Variants in GALNTL6 observed in about 807,000 individuals in gnomAD.
GALNTL6 encodes the protein polypeptide N-acetylgalactosaminyltransferase like 6, also known as polypeptide N-acetylgalactosaminyltransferase-like 6.
GALNTL6 carries 46 observed loss-of-function variants against 73.7 expected under a neutral mutation model. That is an observed-to-expected ratio of 0.62 (90% confidence interval 0.49 to 0.80). GALNTL6 has a LOEUF of 0.80. GALNTL6 is among the 30% of genes least tolerant of loss of function. The pLI is 0.00. For missense variants in GALNTL6, 604 were observed against 755.0 expected (o/e 0.80, Z 2.34); for synonymous variants, 259 against 263.7 (o/e 0.98, Z 0.17).
intron 10 of GALNTL6, among the ~76,000 whole-genome samples, chr4:172,984,346 G>A (rs1751200752): frequency 6.6e-6 from 1 of 152,124 alleles, no homozygotes; most frequent in Admixed American, 6.5e-5. Context: ...AAAGAAGGAA[G>A]CCCCTTATAA....
intron 2 of GALNTL6, among the ~76,000 whole-genome samples, chr4:172,196,125 AC>A (rs1735760632): frequency 1.3e-5 from 2 of 151,942 alleles, no homozygotes; most frequent in Admixed American, 1.3e-4. Context: ...ATCACCACTG[AC>A]CCCACAGAAA....
At chr4:171,996,242 G>A (rs527928802) in intron 2 of GALNTL6, among the ~76,000 whole-genome samples, 70 of 152,162 alleles carry the variant, frequency 4.6e-4, no homozygotes, top group Non-Finnish European at 8.2e-4. Flanking sequence ...TAAAGTGAAA[G>A]CAATTTCCAA....
At chr4:172,402,545 C>T (rs1744079712) in intron 5 of GALNTL6, among the ~76,000 whole-genome samples, 1 of 151,962 alleles carries the variant, frequency 6.6e-6, no homozygotes, top group Non-Finnish European at 1.5e-5. Context: ...CTAAATGTTC[C>T]TTAAATTCTT....
chr4:172,119,086 C>G (rs1400638163), intron 2 of GALNTL6, among the ~76,000 whole-genome samples: 2 of 151,924 alleles, frequency 1.3e-5, no homozygotes, highest in African/African-American at 4.8e-5. Context: ...GTTGTGTAAG[C>G]AGTGTGTGAA....
At chr4:172,794,721 A>G (rs1254887403) in intron 5 of GALNTL6, among the ~76,000 whole-genome samples, 1 of 152,166 alleles carries the variant, frequency 6.6e-6, no homozygotes, top group Non-Finnish European at 1.5e-5. Context: ...GGTGATCACA[A>G]AAGTACTCTG....
chr4:172,337,696 TTTTG>T (rs1182133764), intron 4 of GALNTL6, among the ~76,000 whole-genome samples: 4 of 93,514 alleles, frequency 4.3e-5, no homozygotes, highest in Non-Finnish European at 1.2e-4. Context: ...CTTTAAGGTT[TTTTG>T]TTTTTTTTTT....
rs182408206 is a variant in GALNTL6, at chr4:171,962,974, G to A, written c.138+148256G>A. Among the ~76,000 whole-genome samples, 237 of 151,534 alleles carry A rather than the reference G, an allele frequency of 1.6e-3. 1 individual carries two copies. The highest frequency in any genetic ancestry group is 1.6e-3 in the Admixed American group (24 of 15,196). On this transcript the variant is annotated intron_variant, in intron 2 of 12. Transcript: ENST00000506823. The stretch of plus-strand genomic sequence containing the variant: ...ATAGAGACGGGGTTTCACTATGTTG[G>A]CCAGGATGGTCTCAATCTCTTGACC...
rs946883121 is a variant in GALNTL6 at position 172,826,004 on chromosome 4, G to A, written c.923+12281G>A. ...ATGATAATTGTAGCATATGGAGCAG[G>A]TTTGAAACATACAGTTACAACTCAA... is the stretch of plus-strand genomic sequence containing the variant. On this transcript the variant is annotated intron_variant, in intron 7 of 12. Coordinates refer to ENST00000506823, the MANE Select transcript of GALNTL6 (RefSeq NM_001034845.3). Among the ~76,000 whole-genome samples, 22 of 152,228 alleles carry A rather than the reference G, an allele frequency of 1.4e-4. No homozygotes were observed. In the South Asian group the frequency reaches 3.5e-3, roughly 24 times the overall value.
At chr4:172,135,258 A>G (rs1443232989) in intron 2 of GALNTL6, among the ~76,000 whole-genome samples, 1 of 152,166 alleles carries the variant, frequency 6.6e-6, no homozygotes. Context: ...AAAATTATGT[A>G]TTCTTGAAAA....
chr4:172,178,275 TA>T (rs1240668502), intron 2 of GALNTL6, among the ~76,000 whole-genome samples: 1 of 152,202 alleles, frequency 6.6e-6, no homozygotes, highest in African/African-American at 2.4e-5. Flanking sequence ...ATTTGAGTTC[TA>T]TTTTCTTTTT....
At chr4:172,014,329 T>C (rs981174632) in intron 2 of GALNTL6, among the ~76,000 whole-genome samples, 6 of 152,074 alleles carry the variant, frequency 3.9e-5, no homozygotes, top group Non-Finnish European at 8.8e-5. Flanking sequence ...CTAATTTTCA[T>C]TCCCACCAAC....
At position 172,199,405 on chromosome 4, in the gene GALNTL6, T is replaced by G. The variant is rs551550165; in HGVS notation, c.139-30251T>G. ...TATAACATGATATTTTTGCAAATTATTTTCGTGATCATTTTCAGTCAGATC... is the reference window on the plus strand; with the variant it reads ...TATAACATGATATTTTTGCAAATTAGTTTCGTGATCATTTTCAGTCAGATC... On this transcript the variant is annotated intron_variant, in intron 2 of 12. Coordinates refer to ENST00000506823, the MANE Select transcript of GALNTL6 (RefSeq NM_001034845.3). 5.0e-4 allele frequency among the ~76,000 whole-genome samples: 76 copies of G among 152,328 alleles called. No individual in the cohort carries two copies. The South Asian group carries it at 0.015, about 31-fold the overall frequency.
At chr4:172,308,508 T>C (rs1166541456) in intron 3 of GALNTL6, among the ~76,000 whole-genome samples, 2 of 152,148 alleles carry the variant, frequency 1.3e-5, no homozygotes, top group Non-Finnish European at 2.9e-5. Context: ...ATGTCCCTTC[T>C]ATGCCAATTT....
chr4:172,462,521 A>G (rs1344845664), intron 5 of GALNTL6, among the ~76,000 whole-genome samples: 1 of 152,170 alleles, frequency 6.6e-6, no homozygotes, highest in African/African-American at 2.4e-5. Context: ...CCGCTAACCT[A>G]CAGTGTCACT....
intron 5 of GALNTL6, among the ~76,000 whole-genome samples, chr4:172,450,868 T>G (rs1041067607): frequency 6.6e-6 from 1 of 152,238 alleles, no homozygotes; most frequent in Non-Finnish European, 1.5e-5. Context: ...TAGACTCCAG[T>G]CATTCTCTCA....
rs998423295 is a variant in GALNTL6 at position 171,928,587 on chromosome 4, T to A, written c.138+113869T>A. Among the ~76,000 whole-genome samples the A allele has an allele frequency of 3.3e-5, 5 of 152,258 alleles. 1 individual carries two copies. In the East Asian group the frequency reaches 5.8e-4, roughly 18 times the overall value. On this transcript the variant is annotated intron_variant, in intron 2 of 12. Transcript: ENST00000506823. ...ATCCTGTTAACTTTCTCTTTCATATTTAAATTGTACAAAGGAAGTCATGCA... is the reference window on the plus strand; with the variant it reads ...ATCCTGTTAACTTTCTCTTTCATATATAAATTGTACAAAGGAAGTCATGCA...
chr4:172,937,877 T>C (rs1748702109), intron 9 of GALNTL6, among the ~76,000 whole-genome samples: 1 of 152,212 alleles, frequency 6.6e-6, no homozygotes, highest in African/African-American at 2.4e-5. Context: ...TAATTGAGAT[T>C]ATGATGTAAC....
In GALNTL6 at chr4:172,016,555, G is replaced by T. The variant is rs531702182; in HGVS notation, c.138+201837G>T. On this transcript the variant is annotated intron_variant, in intron 2 of 12. Coordinates refer to ENST00000506823, the MANE Select transcript of GALNTL6 (RefSeq NM_001034845.3). ...ATTGCTTACTAATCAATAACCTTCT[G>T]AATTATTTATCTGGCAATTCAGAGA... Among the ~76,000 whole-genome samples the T allele has an allele frequency of 2.7e-4, 41 of 151,920 alleles. 1 individual carries two copies. Among genetic ancestry groups the T allele is most frequent in the Admixed American group, 1.5e-3 (23 of 15,232 alleles).
intron 8 of GALNTL6, among the ~76,000 whole-genome samples, chr4:172,902,180 T>G (rs1261853245): frequency 6.6e-6 from 1 of 152,136 alleles, no homozygotes; most frequent in Non-Finnish European, 1.5e-5. Flanking sequence ...ATCTTAAATG[T>G]TGTCTACTGT....
Sources: allele counts gnomAD v4.1 joint callset (sites outside exome capture counted in the v4.1 genomes callset), GRCh38; gene constraint gnomAD v4.1.1; transcripts MANE v1.5; gene names NCBI Gene and HGNC (gene_info 2026-07-23, HGNC 2026-07-21).